Variants in TNRC6B observed in about 807,000 individuals in gnomAD.
TNRC6B encodes the protein trinucleotide repeat containing adaptor 6B.
TNRC6B carries 52 observed loss-of-function variants against 203.6 expected under a neutral mutation model. The ratio of observed to expected loss-of-function variants is 0.26; its 90% confidence interval spans 0.20 to 0.32. The LOEUF (loss-of-function observed/expected upper bound fraction) is 0.32. TNRC6B is among the 10% of genes least tolerant of loss of function. The pLI is 1.00. For synonymous variants in TNRC6B, 838 were observed against 845.7 expected, an observed-to-expected ratio of 0.99 and a Z score of 0.16; for missense variants, 1,923 against 2,286.2, an observed-to-expected ratio of 0.84 and a Z score of 3.24.
chr22:40,142,051 C>T (rs544303832), intron 3 of TNRC6B, among the ~76,000 whole-genome samples: 4 of 150,466 alleles, frequency 2.7e-5, no homozygotes, highest in South Asian at 2.1e-4. Context: ...TGAGCCACCG[C>T]GCCTGGCCTT....
chr22:40,118,587 A>G (rs1484574026), intron 2 of TNRC6B, among the ~76,000 whole-genome samples: 1 of 152,234 alleles, frequency 6.6e-6, no homozygotes, highest in East Asian at 1.9e-4. Context: ...TTAAAGAAAA[A>G]GCACTGTCAT....
At chr22:40,172,743 G>A (rs1182709180) in intron 4 of TNRC6B, among the ~76,000 whole-genome samples, 2 of 152,184 alleles carry the variant, frequency 1.3e-5, no homozygotes, top group African/African-American at 2.4e-5. Context: ...TAAGGATAAC[G>A]TGGAAATTAT....
chr22:40,203,799 C>G (rs1337597047), intron 1 of TNRC6B, among the ~76,000 whole-genome samples: 4 of 152,158 alleles, frequency 2.6e-5, no homozygotes, highest in Non-Finnish European at 5.9e-5. Context: ...ATATTCTAGC[C>G]CCATCTTTCT....
At chr22:40,086,556 A>T (rs2068101007) in intron 1 of TNRC6B, among the ~76,000 whole-genome samples, 1 of 152,080 alleles carries the variant, frequency 6.6e-6, no homozygotes, top group South Asian at 2.1e-4. Flanking sequence ...TTCTTCAGGG[A>T]GCTCTCGTTC....
intron 3 of TNRC6B, among the ~76,000 whole-genome samples, chr22:40,139,469 T>C (rs536993494): frequency 3.3e-5 from 5 of 152,090 alleles, no homozygotes; most frequent in South Asian, 4.2e-4. Flanking sequence ...GTAGCTGGGA[T>C]TACAGGCGCA....
intron 6 of TNRC6B, among the ~76,000 whole-genome samples, chr22:40,272,033 C>A (rs1370566196): frequency 1.3e-5 from 2 of 152,146 alleles, no homozygotes. Context: ...CTTCATTTTT[C>A]TAAAGGGGTC....
At chr22:40,291,309 C>T (rs759316727) in intron 12 of TNRC6B, among the ~76,000 whole-genome samples, 4 of 151,914 alleles carry the variant, frequency 2.6e-5, no homozygotes, top group African/African-American at 9.7e-5. Context: ...GACCTGAGCC[C>T]AGGAGGTTGA....
Position 40,273,451 on chromosome 22 carries a change from G to A in TNRC6B, c.2992G>A (p.Gly998Arg). ...TTCCAAATCTATGCAAGACGGCTGG[G>A]GGGAGAGTGACGGGCCAGTCACAGG... ...PNSKSMQDGWGESDGPVTGAR... is the reference protein window; with the variant it reads ...PNSKSMQDGWRESDGPVTGAR... The change falls in exon 7 of 23, where the codon GGG becomes AGG. Residue 998 changes from glycine (G) to arginine (R), a missense_variant. Physicochemically the swap from Gly to Arg is moderately radical, Grantham distance 125 (BLOSUM62 -2). Coordinates refer to ENST00000454349, the MANE Select transcript of TNRC6B (RefSeq NM_001162501.2). 1.2e-6 allele frequency: 2 copies of A among 1,610,348 alleles called. No individual in the cohort carries two copies.
upstream of TNRC6B, among the ~76,000 whole-genome samples, chr22:40,175,945 T>C (rs1569008425): frequency 6.6e-6 from 1 of 152,144 alleles, no homozygotes. Flanking sequence ...ACAAGTGTTG[T>C]GGGATTTTAC....
At chr22:40,083,061 G>A (rs1477337293) in intron 1 of TNRC6B, among the ~76,000 whole-genome samples, 7 of 152,198 alleles carry the variant, frequency 4.6e-5, no homozygotes, top group African/African-American at 1.7e-4. Context: ...AAAGCCATGA[G>A]AATGGAGAAT....
chr22:40,073,476 T>C (rs2067973472), intron 1 of TNRC6B, among the ~76,000 whole-genome samples: 1 of 152,110 alleles, frequency 6.6e-6, no homozygotes, highest in Non-Finnish European at 1.5e-5. Flanking sequence ...TACAAGAATC[T>C]AGTGGTGTCT....
chr22:40,088,982 T>C (rs2068124925), intron 1 of TNRC6B, among the ~76,000 whole-genome samples: 1 of 152,104 alleles, frequency 6.6e-6, no homozygotes, highest in Non-Finnish European at 1.5e-5. Flanking sequence ...AAAAAAGAAC[T>C]GCAACAAACA....
At chr22:40,047,828 T>TA (rs2067704394) in intron 1 of TNRC6B, among the ~76,000 whole-genome samples, 2 of 152,344 alleles carry the variant, frequency 1.3e-5, no homozygotes, top group East Asian at 1.9e-4. Flanking sequence ...CAGGGACTGT[T>TA]ACTCATTTTT....
At chr22:40,183,943 C>T (rs1488359371) in intron 1 of TNRC6B, among the ~76,000 whole-genome samples, 9 of 152,168 alleles carry the variant, frequency 5.9e-5, no homozygotes, top group Admixed American at 3.9e-4. Flanking sequence ...GATTCACCTG[C>T]CTCGGCCTCC....
chr22:40,313,094 T>C, intron 19 of TNRC6B, 97 bp downstream of exon 19: 1 of 947,984 alleles, frequency 1.1e-6, no homozygotes, highest in Non-Finnish European at 1.6e-6. Flanking sequence ...AGATATACTC[T>C]TACAGAAGTT....
chr22:40,266,813 G>T lies in TNRC6B; in HGVS notation c.2583G>T (p.Gly861=). 4 of 1,613,854 alleles carry T rather than the reference G, an allele frequency of 2.5e-6. No individual in the cohort carries two copies. Among genetic ancestry groups the T allele is most frequent in the Non-Finnish European group, 2.5e-6 (3 of 1,179,786 alleles). Residue 861 remains glycine, a synonymous_variant, in exon 5 of 23, where the codon GGG becomes GGT. Transcript: ENST00000454349. The stretch of plus-strand genomic sequence containing the variant: ...CTTCCAATTCCAGCTGGAGCAGCGG[G>T]CCACAGCCTGCAACACCTAAGGATG... ...VRPSNSSWSS[G]PQPATPKDEE... is the part of the protein sequence containing the mutation.
chr22:40,227,809 T>C (rs2069812491), intron 1 of TNRC6B, among the ~76,000 whole-genome samples: 1 of 152,152 alleles, frequency 6.6e-6, no homozygotes. Context: ...AAATGCAACA[T>C]GAAAAGGAAA....
chr22:40,132,387 G>A (rs2068553848), intron 3 of TNRC6B, among the ~76,000 whole-genome samples: 1 of 146,808 alleles, frequency 6.8e-6, no homozygotes, highest in African/African-American at 2.5e-5. Context: ...GACGAGACGG[G>A]ACGGGACGGG....
At chr22:40,229,642 C>G (rs1397249333) in intron 1 of TNRC6B, among the ~76,000 whole-genome samples, 2 of 152,126 alleles carry the variant, frequency 1.3e-5, no homozygotes, top group African/African-American at 2.4e-5. Context: ...CCCAGATAAC[C>G]ATTGATGTGC....
Sources: allele counts gnomAD v4.1 joint callset (sites outside exome capture counted in the v4.1 genomes callset), GRCh38; gene constraint gnomAD v4.1.1; transcripts MANE v1.5; gene names NCBI Gene and HGNC (gene_info 2026-07-23, HGNC 2026-07-21).